Variants in ATXN7L1 observed in about 807,000 individuals in gnomAD.
ATXN7L1 encodes the protein ataxin 7 like 1, also known as ataxin-7-like protein 1.
A neutral mutation model predicts 70.8 loss-of-function variants in ATXN7L1; 15 were observed. The ratio of observed to expected loss-of-function variants is 0.21; its 90% CI spans 0.14 to 0.33. The LOEUF is 0.33. Among genes scored for constraint, ATXN7L1 ranks in the 10% least tolerant of loss-of-function variants. The pLI, the probability that ATXN7L1 is intolerant of heterozygous loss-of-function variation, is 1.00. For missense variants in ATXN7L1, 975 were observed against 1,097.1 expected (o/e 0.89, Z 1.57); for synonymous variants, 440 against 445.1 (o/e 0.99, Z 0.14).
At chr7:105,671,104 C>CAAAAAAAAAAAAAAAAAAAAAAAAAAAA (rs71155469) in intron 3 of ATXN7L1, among the ~76,000 whole-genome samples, 1 of 89,706 alleles carries the variant, frequency 1.1e-5, no homozygotes, top group Admixed American at 1.3e-4. Context: ...GACTACGTCT[C>CAAAAAAAAAAAAAAAAAAAAAAAAAAAA]AAAAAAAAAA....
chr7:105,861,571 T>C (rs763053167), intron 2 of ATXN7L1, among the ~76,000 whole-genome samples: 3 of 151,624 alleles, frequency 2.0e-5, no homozygotes, highest in Non-Finnish European at 4.4e-5. Context: ...CACAATGACA[T>C]CTGTGAGGGG....
At chr7:105,809,867 C>T (rs1428235222) in intron 2 of ATXN7L1, among the ~76,000 whole-genome samples, 1 of 151,940 alleles carries the variant, frequency 6.6e-6, no homozygotes, top group East Asian at 1.9e-4. Flanking sequence ...ACCTCCTGGG[C>T]TCAAGTGATC....
At chr7:105,869,437 C>G (rs1488860749) in intron 2 of ATXN7L1, among the ~76,000 whole-genome samples, 2 of 152,172 alleles carry the variant, frequency 1.3e-5, no homozygotes, top group Non-Finnish European at 2.9e-5. Flanking sequence ...ATCTCCATGG[C>G]CTGCTGCTGG....
intron 3 of ATXN7L1, among the ~76,000 whole-genome samples, chr7:105,752,980 C>T (rs1404159817): frequency 6.6e-6 from 1 of 152,218 alleles, no homozygotes; most frequent in Non-Finnish European, 1.5e-5. Flanking sequence ...GAAGTTTTCA[C>T]TATTAGGCTT....
chr7:105,830,944 A>T (rs1811515153), intron 2 of ATXN7L1, among the ~76,000 whole-genome samples: 2 of 152,226 alleles, frequency 1.3e-5, no homozygotes, highest in Admixed American at 1.3e-4. Context: ...AGTGCTTCTC[A>T]ATCTACGTCC....
Position 105,876,475 on chromosome 7 carries a change from T to C in ATXN7L1, c.84A>G (p.Ala28=). The change falls in exon 1 of 12, where the codon GCA becomes GCG. Residue 28 remains alanine (A), a synonymous_variant. Transcript: ENST00000419735. ...GTGKKQQEGR[A]MATLDRKVPS... is the part of the protein sequence containing the mutation. ...GCACTTTGCGATCCAGTGTCGCCAT[T>C]GCTCTTCCTTCTTGTTGCTTTTTCC... 1 of 1,613,948 alleles carries C rather than the reference T, an allele frequency of 6.2e-7. No individual in the cohort carries two copies. Among genetic ancestry groups the C allele is most frequent in the South Asian group, 1.1e-5 (1 of 91,070 alleles).
chr7:105,773,521 C>T (rs1002625264), intron 3 of ATXN7L1, among the ~76,000 whole-genome samples: 9 of 152,102 alleles, frequency 5.9e-5, no homozygotes, highest in Non-Finnish European at 1.3e-4. Context: ...GAGAAAATAC[C>T]GTAGTTAACT....
chr7:105,707,168 T>C (rs893084132), intron 3 of ATXN7L1, among the ~76,000 whole-genome samples: 2 of 152,258 alleles, frequency 1.3e-5, no homozygotes, highest in East Asian at 3.9e-4. Context: ...TTAGATTTGA[T>C]TAATTTTGCA....
intron 2 of ATXN7L1, among the ~76,000 whole-genome samples, chr7:105,800,104 A>G (rs1426086266): frequency 6.6e-6 from 1 of 152,200 alleles, no homozygotes; most frequent in Non-Finnish European, 1.5e-5. Context: ...TAGAAGAGCT[A>G]CAGAAAGTTG....
chr7:105,761,384 C>A lies in ATXN7L1; in HGVS notation c.355+27220G>T, dbSNP rs750492655. ...TCTTCTGCGTTTTCCATTCTCACAC[C>A]TGATGCTTCTCTATGGCTTGGCTGC... On this transcript the variant is annotated intron_variant, in intron 3 of 11. Transcript: ENST00000419735. 8.7e-6 allele frequency: 14 copies of A among 1,614,012 alleles called. No homozygotes were observed. The South Asian group carries it at 1.1e-4, about 13-fold the overall frequency.
chr7:105,874,242 T>TCACC (rs1818703733), intron 2 of ATXN7L1, among the ~76,000 whole-genome samples: 1 of 152,022 alleles, frequency 6.6e-6, no homozygotes, highest in African/African-American at 2.4e-5. Flanking sequence ...TGTGTGATAG[T>TCACC]CATAACGCAT....
At chr7:105,664,575 G>GTATATATATATATATATATA (rs1554416470) in intron 4 of ATXN7L1, among the ~76,000 whole-genome samples, 3 of 131,984 alleles carry the variant, frequency 2.3e-5, no homozygotes, top group Admixed American at 7.4e-5. Context: ...GTATGTGTGT[G>GTATATATATATATATATATA]TATATATATA....
chr7:105,788,850 G>C (rs566953821), intron 2 of ATXN7L1, 142 bp from the exon 3 acceptor site: 25 of 681,202 alleles, frequency 3.7e-5, no homozygotes, highest in Admixed American at 2.7e-4. Context: ...ACGGGAACTC[G>C]GTTTGTCATA....
chr7:105,820,346 C>T (rs530484836), intron 2 of ATXN7L1, among the ~76,000 whole-genome samples: 13 of 152,156 alleles, frequency 8.5e-5, no homozygotes, highest in South Asian at 2.1e-4. Flanking sequence ...CTTTCTAGAG[C>T]GCAAGGCTTT....
chr7:105,770,197 A>G (rs551446639), intron 3 of ATXN7L1, among the ~76,000 whole-genome samples: 1 of 152,364 alleles, frequency 6.6e-6, no homozygotes, highest in African/African-American at 2.4e-5. Flanking sequence ...TTCAATATTC[A>G]TAAATGGAAA....
chr7:105,749,691 G>T (rs1189613988), intron 3 of ATXN7L1, among the ~76,000 whole-genome samples: 1 of 151,778 alleles, frequency 6.6e-6, no homozygotes, highest in Non-Finnish European at 1.5e-5. Flanking sequence ...CATATCCTTG[G>T]ATATTAAAGA....
At chr7:105,641,918 C>T (rs1489904973) in intron 5 of ATXN7L1, among the ~76,000 whole-genome samples, 1 of 152,188 alleles carries the variant, frequency 6.6e-6, no homozygotes, top group African/African-American at 2.4e-5. Context: ...ACAGAGTAGA[C>T]AATAAAAATT....
intron 4 of ATXN7L1, among the ~76,000 whole-genome samples, chr7:105,658,001 A>C (rs1310158073): frequency 6.6e-6 from 1 of 152,206 alleles, no homozygotes. Context: ...TTGAAGACTT[A>C]TGAAAAGAAA....
At chr7:105,658,996 G>T (rs1367079514) in intron 4 of ATXN7L1, among the ~76,000 whole-genome samples, 1 of 152,200 alleles carries the variant, frequency 6.6e-6, no homozygotes, top group African/African-American at 2.4e-5. Context: ...AATTAGCTGG[G>T]TATGGTGGTG....
Sources: gnomAD v4.1 joint callset for allele counts (sites outside exome capture counted in the v4.1 genomes callset) on GRCh38, gnomAD v4.1.1 for gene constraint, MANE v1.5 for transcripts, NCBI Gene and HGNC (gene_info 2026-07-23, HGNC 2026-07-21) for gene names.